Variants in CEP120 observed in about 807,000 individuals in gnomAD.
CEP120 encodes the protein centrosomal protein 120.
A neutral mutation model predicts 126.5 loss-of-function variants in CEP120; 113 were observed. The ratio of observed to expected loss-of-function variants is 0.89; its 90% CI spans 0.77 to 1.04. The LOEUF is 1.04. CEP120 is among the 50% of genes least tolerant of loss of function. The pLI, the probability that CEP120 is intolerant of heterozygous loss-of-function variation, is 0.00. For missense variants in CEP120, 1,230 were observed against 1,155.7 expected (o/e 1.06, Z -0.93); for synonymous variants, 400 against 394.3 (o/e 1.01, Z -0.17).
At chr5:123,401,568 C>G in intron 4 of CEP120, 3 of 1,369,630 alleles carry the variant, frequency 2.2e-6, no homozygotes, top group Non-Finnish European at 3.1e-6. Flanking sequence ...TCAGCGATGA[C>G]GCTGTTCATG....
At chr5:123,419,553 C>CAAAAAAAAAAAAAA (rs566909063) in intron 1 of CEP120, among the ~76,000 whole-genome samples, 5 of 135,272 alleles carry the variant, frequency 3.7e-5, no homozygotes, top group African/African-American at 8.3e-5. Flanking sequence ...AAAACAAAAA[C>CAAAAAAAAAAAAAA]AAAAAAAAAA....
chr5:123,360,131 C>T (rs746965039), intron 18 of CEP120, among the ~76,000 whole-genome samples: 6 of 108,542 alleles, frequency 5.5e-5, no homozygotes, highest in Non-Finnish European at 1.4e-4. Context: ...AGAAGTTGCA[C>T]AAACAATCTT....
At chr5:123,349,787 C>T (rs908560884) in intron 19 of CEP120, among the ~76,000 whole-genome samples, 157 bp downstream of exon 19, 10 of 152,198 alleles carry the variant, frequency 6.6e-5, no homozygotes, top group East Asian at 1.9e-4. Flanking sequence ...TACAGGCATG[C>T]GCCACAGTAC....
chr5:123,374,495 C>T (rs543393990), intron 16 of CEP120, among the ~76,000 whole-genome samples: 52 of 151,832 alleles, frequency 3.4e-4, no homozygotes, highest in Middle Eastern at 3.4e-3. Flanking sequence ...TTTTTAAATG[C>T]GAACAAAGAT....
At chr5:123,416,570 CAAAAATAAAAAT>C (rs568380657) in intron 2 of CEP120, among the ~76,000 whole-genome samples, 1 of 150,490 alleles carries the variant, frequency 6.6e-6, no homozygotes, top group Non-Finnish European at 1.5e-5. Flanking sequence ...GACTCCATCT[CAAAAATAAAAAT>C]AAAAATAAAA....
intron 4 of CEP120, among the ~76,000 whole-genome samples, chr5:123,400,079 C>CCCT: frequency 6.6e-6 from 1 of 152,168 alleles, no homozygotes; most frequent in African/African-American, 2.4e-5. Flanking sequence ...TATATCAGGG[C>CCCT]CTATCAAAAT....
intron 18 of CEP120, among the ~76,000 whole-genome samples, chr5:123,353,487 G>T (rs1769348577): frequency 6.8e-6 from 1 of 147,098 alleles, no homozygotes; most frequent in Non-Finnish European, 1.5e-5. Context: ...AAGCTTTTAG[G>T]ATCAAGGTTA....
chr5:123,418,599 GTTTT>G (rs10544575), intron 1 of CEP120, 84 bp from the exon 2 acceptor site: 215 of 865,156 alleles, frequency 2.5e-4, no homozygotes, highest in South Asian at 4.6e-4. Flanking sequence ...TGTTTGGCTG[GTTTT>G]TTTTTTTTTT....
intron 1 of CEP120, among the ~76,000 whole-genome samples, chr5:123,419,292 G>C (rs915910461): frequency 6.6e-6 from 1 of 152,126 alleles, no homozygotes; most frequent in Non-Finnish European, 1.5e-5. Flanking sequence ...TGAAGAGCTG[G>C]GAAATAAATT....
chr5:123,414,668 T>A (rs952968490), intron 3 of CEP120, among the ~76,000 whole-genome samples: 2 of 152,034 alleles, frequency 1.3e-5, no homozygotes, highest in African/African-American at 4.8e-5. Context: ...CAGAAGATAC[T>A]TAAAGCGCTA....
chr5:123,359,351 T>C (rs1769896868), intron 18 of CEP120, among the ~76,000 whole-genome samples: 1 of 152,060 alleles, frequency 6.6e-6, no homozygotes, highest in Non-Finnish European at 1.5e-5. Flanking sequence ...TCATACTTCA[T>C]AACAATGCTT....
chr5:123,384,422 TA>T (rs530175325), intron 11 of CEP120, among the ~76,000 whole-genome samples: 1 of 152,014 alleles, frequency 6.6e-6, no homozygotes, highest in Non-Finnish European at 1.5e-5. Flanking sequence ...TAAAATATGT[TA>T]AAAAAACGCA....
intron 14 of CEP120, among the ~76,000 whole-genome samples, chr5:123,379,149 G>A (rs11951466): frequency 0.061 from 9,309 of 152,108 alleles, 322 homozygotes; most frequent in African/African-American, 0.1. Context: ...CTGTTCTGGC[G>A]AGTGAGAAAA....
In CEP120 at chr5:123,392,996, C is replaced by T. The variant is rs570463159; in HGVS notation, c.810+304G>A. 8.5e-5 allele frequency among the ~76,000 whole-genome samples: 13 copies of T among 152,190 alleles called. 1 individual carries two copies. Among genetic ancestry groups the T allele is most frequent in the African/African-American group, 3.1e-4 (13 of 41,532 alleles). On this transcript the variant is annotated intron_variant, in intron 6 of 19. Coordinates refer to ENST00000306467, the MANE Select transcript of CEP120 (RefSeq NM_001375405.1). ...CTCCATTAACAATAATGAAATCTTG[C>T]TCGTGCCTGCTGCCCTAGGCTCCAG...
rs781639162 is a variant in CEP120, at chr5:123,377,469, T to C, written c.2263A>G (p.Ile755Val). ...ATACAGTCCTCTTTGGCCCTACGGA[T>C]AGAGTCCTGCAGTTCTTGCAGGTTC... ...QRNLQELQDS[I>V]RRAKEDCIHQ... The change falls in exon 16 of 20, where the codon ATC becomes GTC. Residue 755 changes from isoleucine (I) to valine (V), a missense_variant. Physicochemically the swap from Ile to Val is conservative, Grantham distance 29. Coordinates refer to ENST00000306467, the MANE Select transcript of CEP120 (RefSeq NM_001375405.1). 7 of 1,610,978 alleles carry C rather than the reference T, an allele frequency of 4.3e-6. No individual in the cohort carries two copies. The highest frequency in any genetic ancestry group is 1.7e-5 in the Admixed American group (1 of 58,962).
chr5:123,386,508 T>C lies in CEP120; in HGVS notation c.1580+10A>G. On this transcript the variant is annotated intron_variant, in intron 10 of 19. Coordinates refer to ENST00000306467, the MANE Select transcript of CEP120 (RefSeq NM_001375405.1). ...ATTAATTAATATCATACATACACTG[T>C]ATGCATTACCTTAAGAAGGTGTCTT... 6.6e-7 allele frequency: 1 copy of C among 1,526,284 alleles called. No homozygotes were observed. 94.5% of individuals were successfully genotyped at this position (1,526,284 alleles called of 1,614,324 possible). A position where few individuals can be genotyped will look rare whatever the true frequency, so the allele number is the denominator to read the frequency against.
chr5:123,408,952 A>C (rs1238444474), intron 4 of CEP120, among the ~76,000 whole-genome samples: 1 of 152,202 alleles, frequency 6.6e-6, no homozygotes, highest in Non-Finnish European at 1.5e-5. Flanking sequence ...CACACCTGTA[A>C]TTCCAGCACT....
chr5:123,416,487 T>C (rs1292918575), intron 2 of CEP120, among the ~76,000 whole-genome samples: 1 of 151,844 alleles, frequency 6.6e-6, no homozygotes, highest in Non-Finnish European at 1.5e-5. Context: ...AGGGGAATTA[T>C]GTGAACCTGG....
In CEP120 at chr5:123,349,931, T is replaced by A. The variant is rs1428398728; in HGVS notation, c.2726+13A>T. The A allele has an allele frequency of 4.4e-6, 7 of 1,607,638 alleles. No homozygotes were observed. The Admixed American group carries it at 5.1e-5, about 12-fold the overall frequency. On this transcript the variant is annotated intron_variant, in intron 19 of 19. Transcript: ENST00000306467. ...ACTTTGGCTTTTGAAAGAAACACTT[T>A]TAGTTATTATACCTGTTCAATTCAT... is the stretch of plus-strand genomic sequence containing the variant.
Sources: allele counts gnomAD v4.1 joint callset (sites outside exome capture counted in the v4.1 genomes callset), GRCh38; gene constraint gnomAD v4.1.1; transcripts MANE v1.5; gene names NCBI Gene and HGNC (gene_info 2026-07-23, HGNC 2026-07-21).